Variants in SYNPR observed in about 807,000 individuals in gnomAD.
SYNPR encodes the protein synaptoporin.
In SYNPR, 23 loss-of-function variants were observed where a neutral mutation model predicts 32.9. The ratio of observed to expected loss-of-function variants is 0.70; its 90% CI spans 0.50 to 0.99. The LOEUF (loss-of-function observed/expected upper bound fraction) is 0.99. SYNPR is among the 50% of genes least tolerant of loss of function. The pLI is 0.00. For missense variants in SYNPR, 318 were observed against 349.3 expected (o/e 0.91, Z 0.71); for synonymous variants, 146 against 135.9 (o/e 1.07, Z -0.52).
chr3:63,571,255 T>C (rs1354433229), intron 4 of SYNPR, among the ~76,000 whole-genome samples: 1 of 152,196 alleles, frequency 6.6e-6, no homozygotes, highest in Non-Finnish European at 1.5e-5. Context: ...TTGTTCTCAT[T>C]AATCATTTTG....
chr3:63,430,660 G>A (rs1289030782), intron 2 of SYNPR, among the ~76,000 whole-genome samples: 2 of 152,268 alleles, frequency 1.3e-5, no homozygotes, highest in East Asian at 3.9e-4. Flanking sequence ...TATAGACAAT[G>A]TGGAAGGCAA....
At chr3:63,208,579 T>C in the SYNPR span, among the ~76,000 whole-genome samples, 1 of 152,230 alleles carries the variant, frequency 6.6e-6, no homozygotes, top group African/African-American at 2.4e-5. Context: ...GTTTTGGAGA[T>C]GTCTGGTATT....
At chr3:63,336,492 G>C (rs10452047) in intron 2 of SYNPR, among the ~76,000 whole-genome samples, 5,466 of 63,284 alleles carry the variant, frequency 0.086, 335 homozygotes, top group African/African-American at 0.26. Context: ...TGAATAAATA[G>C]TACTAGAACA....
At chr3:63,343,723 C>T (rs1003099131) in intron 2 of SYNPR, among the ~76,000 whole-genome samples, 2 of 152,170 alleles carry the variant, frequency 1.3e-5, no homozygotes, top group Non-Finnish European at 2.9e-5. Context: ...CTCATGATTC[C>T]CTGCCTAACT....
chr3:63,353,083 C>T (rs191573563), intron 2 of SYNPR, among the ~76,000 whole-genome samples: 1 of 152,206 alleles, frequency 6.6e-6, no homozygotes, highest in African/African-American at 2.4e-5. Context: ...CTTTACAAGA[C>T]ACTGCAATCT....
intron 2 of SYNPR, among the ~76,000 whole-genome samples, chr3:63,322,334 C>G (rs1009880351): frequency 1.3e-5 from 2 of 151,996 alleles, no homozygotes; most frequent in African/African-American, 4.8e-5. Flanking sequence ...GTGCTAGGCA[C>G]TTTACTTTCT....
intron 2 of SYNPR, among the ~76,000 whole-genome samples, chr3:63,291,121 A>C (rs925025040): frequency 7.9e-5 from 12 of 152,176 alleles, no homozygotes; most frequent in African/African-American, 2.9e-4. Context: ...CTGGATTTGA[A>C]GCCATGCAAG....
intron 1 of SYNPR, among the ~76,000 whole-genome samples, chr3:63,243,668 T>G (rs1490403374): frequency 2.0e-5 from 3 of 152,060 alleles, no homozygotes; most frequent in Non-Finnish European, 4.4e-5. Flanking sequence ...TTTAAAGAGT[T>G]TTAAATAATA....
chr3:63,558,964 T>TA (rs1237178808), intron 4 of SYNPR, among the ~76,000 whole-genome samples: 1 of 152,088 alleles, frequency 6.6e-6, no homozygotes, highest in African/African-American at 2.4e-5. Context: ...AATAACTTGT[T>TA]AATTATAAGA....
At chr3:63,339,300 A>C (rs944545228) in intron 2 of SYNPR, among the ~76,000 whole-genome samples, 1 of 152,208 alleles carries the variant, frequency 6.6e-6, no homozygotes, top group Non-Finnish European at 1.5e-5. Flanking sequence ...ATTCTGCTGG[A>C]AAGAGACAGA....
intron 4 of SYNPR, among the ~76,000 whole-genome samples, chr3:63,584,803 G>T (rs888564152): frequency 6.6e-6 from 1 of 152,122 alleles, no homozygotes; most frequent in Admixed American, 6.6e-5. Context: ...ACAGATTGTA[G>T]TGGATTCTGG....
chr3:63,424,507 G>C (rs1355531717), intron 2 of SYNPR, among the ~76,000 whole-genome samples: 1 of 152,066 alleles, frequency 6.6e-6, no homozygotes, highest in Non-Finnish European at 1.5e-5. Context: ...AAAGCATTTA[G>C]CACATAGTAA....
At chr3:63,410,033 G>T (rs1172505070) in intron 2 of SYNPR, among the ~76,000 whole-genome samples, 1 of 122,504 alleles carries the variant, frequency 8.2e-6, no homozygotes, top group East Asian at 2.1e-4. Flanking sequence ...TAGTGGACAA[G>T]AACAAAAAAA....
chr3:63,514,713 C>A (rs1348332828), intron 3 of SYNPR, among the ~76,000 whole-genome samples: 1 of 152,154 alleles, frequency 6.6e-6, no homozygotes, highest in Non-Finnish European at 1.5e-5. Flanking sequence ...TCAGATCAAC[C>A]AAGAACTGCA....
chr3:63,305,781 T>A (rs1226004902), intron 2 of SYNPR, among the ~76,000 whole-genome samples: 2 of 152,104 alleles, frequency 1.3e-5, no homozygotes, highest in East Asian at 3.9e-4. Flanking sequence ...CAGAACCCCT[T>A]CCAGCCCTTC....
chr3:63,224,973 C>G (rs1034312948), upstream of SYNPR, among the ~76,000 whole-genome samples: 3 of 152,182 alleles, frequency 2.0e-5, no homozygotes, highest in African/African-American at 7.2e-5. Context: ...ACAGTGATAG[C>G]CTGTCCTGCT....
At chr3:63,257,142 C>G (rs1346600022) in intron 2 of SYNPR, among the ~76,000 whole-genome samples, 2 of 152,206 alleles carry the variant, frequency 1.3e-5, no homozygotes, top group Admixed American at 6.5e-5. Flanking sequence ...TTAAAACACT[C>G]TGCAGGATAT....
At chr3:63,241,350 T>C (rs2086240821) in intron 1 of SYNPR, among the ~76,000 whole-genome samples, 1 of 152,188 alleles carries the variant, frequency 6.6e-6, no homozygotes, top group East Asian at 1.9e-4. Context: ...AACAGGTTCC[T>C]GATATTGTTC....
chr3:63,265,175 A>G lies in SYNPR; in HGVS notation n.155-2142A>G, dbSNP rs552815896. Among the ~76,000 whole-genome samples the G allele has an allele frequency of 1.1e-4, 16 of 151,616 alleles. 1 individual carries two copies. The highest frequency in any genetic ancestry group is 6.9e-3 in the Middle Eastern group (2 of 290). ...GAAGATATATGAGTCTTTCAAAACT[A>G]TAGAAATAATTTAAATGTGTTTTTA... On this transcript the variant is annotated intron_variant and non_coding_transcript_variant, in intron 2 of 4. Coordinates refer to the SYNPR transcript ENST00000478456.
Sources: gnomAD v4.1 joint callset for allele counts (sites outside exome capture counted in the v4.1 genomes callset) on GRCh38, gnomAD v4.1.1 for gene constraint, MANE v1.5 for transcripts, NCBI Gene and HGNC (gene_info 2026-07-23, HGNC 2026-07-21) for gene names.